F2: variants seen among roughly 807,000 people sequenced by gnomAD.
F2 encodes prothrombin.
F2 carries 34 observed loss-of-function variants against 81.9 expected under a neutral mutation model. The observed-to-expected ratio is 0.42, with a 90% CI of 0.32 to 0.55. The LOEUF (loss-of-function observed/expected upper bound fraction) is 0.55, where lower values mean the gene tolerates loss of function less well. Ranked by LOEUF, F2 falls within the 20% of genes least tolerant of loss-of-function variation. The probability of loss-of-function intolerance (pLI) is 0.18; values close to 1 mark genes in which losing one functional copy is unlikely to be tolerated. For missense variants in F2, 630 were observed against 833.4 expected, an observed-to-expected ratio of 0.76 and a Z score of 3.00; for synonymous variants, 296 against 326.4, an observed-to-expected ratio of 0.91 and a Z score of 1.01.
At chr11:46,733,933 C>T (rs573584372) in intron 12 of F2, among the ~76,000 whole-genome samples, 3 of 150,894 alleles carry the variant, frequency 2.0e-5, no homozygotes, top group Admixed American at 6.6e-5. Context: ...GGACTCCAGG[C>T]GCGAGTCACC....
Position 46,726,955 on chromosome 11 carries a change from A to G in F2, c.1130+118A>G, listed in dbSNP as rs1016049875. The G allele has an allele frequency of 4.7e-6, 7 of 1,504,356 alleles. No individual in the cohort carries two copies. In the African/African-American group the frequency reaches 6.9e-5, roughly 15 times the overall value. The allele number at this position is 1,504,356 out of a possible 1,614,324, so 93.2% of individuals were successfully genotyped here. On this transcript the variant is annotated intron_variant, in intron 9 of 13. Transcript: ENST00000311907. This position sits in a 1 kb window ranked among gnomAD's most constrained non-coding sequence, Gnocchi z 5.9. ...TACAGATGACAACAGCTGAGCATCCAGGATCCCACCAACTCCACACAGCAG... is the reference window on the plus strand; with the variant it reads ...TACAGATGACAACAGCTGAGCATCCGGGATCCCACCAACTCCACACAGCAG...
chr11:46,726,975 C>T lies in F2; in HGVS notation c.1130+138C>T. ...CATCCAGGATCCCACCAACTCCACA[C>T]AGCAGCCACATGAGATGGGTTGTTT... On this transcript the variant is annotated intron_variant, in intron 9 of 13. Coordinates refer to ENST00000311907, the MANE Select transcript of F2 (RefSeq NM_000506.5). This position sits in a 1 kb window ranked among gnomAD's most constrained non-coding sequence, Gnocchi z 5.9. The T allele has an allele frequency of 7.7e-7, 1 of 1,306,588 alleles. No homozygotes were observed. Among genetic ancestry groups the T allele is most frequent in the Non-Finnish European group, 1.1e-6 (1 of 933,650 alleles). The allele number at this position is 1,306,588 out of a possible 1,614,324, so 80.9% of individuals were successfully genotyped here. A position where few individuals can be genotyped will look rare whatever the true frequency, so the allele number is the denominator to read the frequency against.
At chr11:46,722,994 C>T (rs1053646681) in intron 4 of F2, 186 bp from the exon 5 acceptor site, 12 of 703,982 alleles carry the variant, frequency 1.7e-5, no homozygotes, top group African/African-American at 5.2e-5. Context: ...AGGCACTTAG[C>T]GAATATTTGG....
At position 46,719,513 on chromosome 11, in the gene F2, C is replaced by A; in HGVS notation, c.80-189C>A. ...TCTCTCTTCCAATATAGGGAGCAGG[C>A]TGGGGGCAAGGGGCAGTGTAGGAGG... On this transcript the variant is annotated intron_variant, in intron 1 of 13. Transcript: ENST00000311907. The surrounding 1 kb of genome is among the most constrained non-coding windows in gnomAD (Gnocchi z 4.7). The A allele has an allele frequency of 3.2e-6, 3 of 939,120 alleles. No homozygotes were observed. The allele number at this position is 939,120 out of a possible 1,614,324, so 58.2% of individuals were successfully genotyped here. A position where few individuals can be genotyped will look rare whatever the true frequency, so the allele number is the denominator to read the frequency against.
At position 46,723,538 on chromosome 11, in the gene F2, G is replaced by A; in HGVS notation, c.559+20G>A. ...TCTGTGGTAAGCTGGGGGCAGTGGG[G>A]CGGCCCATGGCCAAGGCCCGGGGGC... On this transcript the variant is annotated intron_variant, in intron 6 of 13. Coordinates refer to ENST00000311907, the MANE Select transcript of F2 (RefSeq NM_000506.5). The surrounding 1 kb of genome is among the most constrained non-coding windows in gnomAD (Gnocchi z 5.6). 6.3e-6 allele frequency: 10 copies of A among 1,599,034 alleles called. No individual in the cohort carries two copies. The highest frequency in any genetic ancestry group is 8.5e-6 in the Non-Finnish European group (10 of 1,171,986).
chr11:46,721,439 A>C (rs1798179139), intron 4 of F2, among the ~76,000 whole-genome samples: 2 of 152,196 alleles, frequency 1.3e-5, no homozygotes, highest in East Asian at 3.8e-4. Flanking sequence ...TTCTAGCTTT[A>C]GGTGTCACTG....
At chr11:46,736,295 T>C (rs2064944098) in intron 12 of F2, among the ~76,000 whole-genome samples, 1 of 152,250 alleles carries the variant, frequency 6.6e-6, no homozygotes, top group African/African-American at 2.4e-5. Context: ...CATTTATTTA[T>C]TTGAAATATA....
At chr11:46,724,096 T>C (rs2064856700) in intron 6 of F2, among the ~76,000 whole-genome samples, 1 of 152,074 alleles carries the variant, frequency 6.6e-6, no homozygotes, top group Non-Finnish European at 1.5e-5. Flanking sequence ...ATCAAGGCAC[T>C]CCTCCCTCCG....
chr11:46,731,917 T>G (rs1051392730), intron 12 of F2, among the ~76,000 whole-genome samples: 2 of 126,898 alleles, frequency 1.6e-5, no homozygotes, highest in African/African-American at 2.8e-5. Flanking sequence ...TTGATGTTTT[T>G]TTTTTTTTTT....
intron 9 of F2, among the ~76,000 whole-genome samples, chr11:46,727,115 G>A (rs979314856): frequency 3.3e-5 from 5 of 152,176 alleles, no homozygotes; most frequent in South Asian, 2.1e-4. Flanking sequence ...TCTGCCTTCC[G>A]GGTTCAAACG....
Position 46,719,639 on chromosome 11 carries a change from C to T in F2, c.80-63C>T, listed in dbSNP as rs2064822319. On this transcript the variant is annotated intron_variant, in intron 1 of 13. Transcript: ENST00000311907. The surrounding 1 kb of genome is among the most constrained non-coding windows in gnomAD (Gnocchi z 4.7). Reference sequence around the variant, plus strand: ...GGAGGGTGGGCTTGCTTCATGCCCCCAGAATGGCCAAGACTGCCTGTTCCT... The same window carrying T: ...GGAGGGTGGGCTTGCTTCATGCCCCTAGAATGGCCAAGACTGCCTGTTCCT... 4 of 1,547,400 alleles carry T rather than the reference C, an allele frequency of 2.6e-6. No individual in the cohort carries two copies. The highest frequency in any genetic ancestry group is 1.2e-5 in the South Asian group (1 of 83,920).
chr11:46,737,303 G>A (rs906411025), intron 12 of F2, among the ~76,000 whole-genome samples: 4 of 151,066 alleles, frequency 2.6e-5, no homozygotes, highest in Admixed American at 1.3e-4. Flanking sequence ...CACCATGCCC[G>A]GCTAATTTTT....
Position 46,726,715 on chromosome 11 carries a change from T to C in F2, c.1008T>C (p.Cys336=). ...ACTGCTTGGCTTGCTCTGCAGACTG[T>C]GGGCTGCGACCTCTGTTCGAGAAGA... ...PRTFGSGEAD[C]GLRPLFEKKS... The change falls in exon 9 of 14, where the codon TGT becomes TGC. Residue 336 remains cysteine (C), a synonymous_variant. Transcript: ENST00000311907. This position sits in a 1 kb window ranked among gnomAD's most constrained non-coding sequence, Gnocchi z 5.9. 6.2e-7 allele frequency: 1 copy of C among 1,614,154 alleles called. No homozygotes were observed. Among genetic ancestry groups the C allele is most frequent in the Non-Finnish European group, 8.5e-7 (1 of 1,180,000 alleles).
chr11:46,733,270 C>T (rs2064924720), intron 12 of F2, among the ~76,000 whole-genome samples: 1 of 152,200 alleles, frequency 6.6e-6, no homozygotes, highest in Admixed American at 6.6e-5. Flanking sequence ...TATGGCTGGG[C>T]TCAGCCCACT....
At position 46,723,894 on chromosome 11, in the gene F2, G is replaced by GA. The variant is rs533879396; in HGVS notation, c.559+386dup. On this transcript the variant is annotated intron_variant, in intron 6 of 13. Transcript: ENST00000311907. The surrounding 1 kb of genome is among the most constrained non-coding windows in gnomAD (Gnocchi z 5.6). Reference sequence around the variant, plus strand: ...GACAAGAGCAAAACTCTGTCTCAAAGAAAAAAAAAAGATGCTGGCCACCTT... The same window carrying GA: ...GACAAGAGCAAAACTCTGTCTCAAAGAAAAAAAAAAAGATGCTGGCCACCTT... Among the ~76,000 whole-genome samples the GA allele has an allele frequency of 0.067, 9,963 of 148,496 alleles. 376 individuals are homozygous for GA. Among genetic ancestry groups the GA allele is most frequent in the Non-Finnish European group, 0.091 (6,062 of 66,930 alleles).
chr11:46,726,519 C>G lies in F2; in HGVS notation c.896C>G (p.Thr299Arg), dbSNP rs1318385998. Residue 299 changes from threonine to arginine, a missense_variant, in exon 8 of 14, where the codon ACA becomes AGA. By Grantham distance (71) the Thr-to-Arg change is moderately conservative. Coordinates refer to ENST00000311907, the MANE Select transcript of F2 (RefSeq NM_000506.5). The surrounding 1 kb of genome is among the most constrained non-coding windows in gnomAD (Gnocchi z 5.9). ...NYCEEAVEEE[T>R]GDGLDEDSDR... Reference sequence around the variant, plus strand: ...ACAGAGGAGGCCGTGGAGGAGGAGACAGGAGATGGGCTGGATGAGGACTCA... The same window carrying G: ...ACAGAGGAGGCCGTGGAGGAGGAGAGAGGAGATGGGCTGGATGAGGACTCA... The G allele has an allele frequency of 6.2e-7, 1 of 1,613,962 alleles. No individual in the cohort carries two copies.
chr11:46,723,140 TC>T lies in F2; in HGVS notation c.317-36del, dbSNP rs758698511. ...ACTTTGCAGGGAGAGAGGAAATAAG[TC>T]CCCAGGCTCCAAGGCTGACCGGGGT... On this transcript the variant is annotated intron_variant, in intron 4 of 13. Coordinates refer to ENST00000311907, the MANE Select transcript of F2 (RefSeq NM_000506.5). The surrounding 1 kb of genome is among the most constrained non-coding windows in gnomAD (Gnocchi z 5.6). The T allele has an allele frequency of 3.2e-5, 51 of 1,573,176 alleles. No individual in the cohort carries two copies. The East Asian group carries it at 1.1e-3, about 33-fold the overall frequency.
chr11:46,738,789 G>T (rs996391572), intron 12 of F2, among the ~76,000 whole-genome samples: 3 of 152,246 alleles, frequency 2.0e-5, no homozygotes, highest in African/African-American at 7.2e-5. Flanking sequence ...GTGGAGAATA[G>T]ACTGTAGGTG....
At chr11:46,722,411 C>T (rs997820165) in intron 4 of F2, among the ~76,000 whole-genome samples, 1 of 151,928 alleles carries the variant, frequency 6.6e-6, no homozygotes, top group African/African-American at 2.4e-5. Context: ...ATAGTGAAAC[C>T]CCCAACCTCT....
Sources: gnomAD v4.1 joint callset for allele counts (sites outside exome capture counted in the v4.1 genomes callset) on GRCh38, gnomAD v4.1.1 for gene constraint, Gnocchi (gnomAD v3.1) non-coding constraint, MANE v1.5 for transcripts, NCBI Gene and HGNC (gene_info 2026-07-23, HGNC 2026-07-21) for gene names.